GUCY1A1: variants seen among roughly 807,000 people sequenced by gnomAD.
The protein encoded by GUCY1A1 is guanylate cyclase soluble subunit alpha-1.
A neutral mutation model predicts 64.5 loss-of-function variants in GUCY1A1; 48 were observed. The ratio of observed to expected loss-of-function variants is 0.74; its 90% CI spans 0.59 to 0.95. GUCY1A1 has a LOEUF of 0.95. Ranked by LOEUF, GUCY1A1 falls within the 40% of genes least tolerant of loss-of-function variation. The pLI is 0.00. For missense variants in GUCY1A1, 804 were observed against 825.3 expected (o/e 0.97, Z 0.32); for synonymous variants, 308 against 303.4 (o/e 1.02, Z -0.16).
intron 2 of GUCY1A1, among the ~76,000 whole-genome samples, chr4:155,684,490 T>A (rs1728712670): frequency 1.3e-5 from 2 of 152,232 alleles, no homozygotes; most frequent in South Asian, 4.2e-4. Context: ...AGAAAGAGCT[T>A]TACTGCTGGT....
chr4:155,694,487 T>C (rs1252817266), intron 2 of GUCY1A1, among the ~76,000 whole-genome samples: 4 of 152,204 alleles, frequency 2.6e-5, no homozygotes, highest in Admixed American at 2.0e-4. Context: ...AGGAAATAAC[T>C]TTGCTCCTAT....
rs1193201938 is a variant in GUCY1A1 at position 155,713,479 on chromosome 4, T to G, written c.1468T>G (p.Phe490Val). 6.2e-7 allele frequency: 1 copy of G among 1,614,008 alleles called. No individual in the cohort carries two copies. The highest frequency in any genetic ancestry group is 8.5e-7 in the Non-Finnish European group (1 of 1,180,022). ...VTMLFSDIVGFTAICSQCSPL... is the reference protein window; with the variant it reads ...VTMLFSDIVGVTAICSQCSPL... Reference sequence around the variant, plus strand: ...CATGCTCTTCTCAGACATCGTTGGGTTCACTGCCATCTGCTCCCAGTGCTC... The same window carrying G: ...CATGCTCTTCTCAGACATCGTTGGGGTCACTGCCATCTGCTCCCAGTGCTC... Residue 490 changes from phenylalanine (F) to valine (V), a missense_variant, in exon 7 of 10, where the codon TTC becomes GTC. Phe to Val is a conservative substitution (Grantham distance 50). Transcript: ENST00000506455.
chr4:155,676,025 C>A (rs1560910340), intron 2 of GUCY1A1, among the ~76,000 whole-genome samples: 1 of 151,430 alleles, frequency 6.6e-6, no homozygotes, highest in Non-Finnish European at 1.5e-5. Context: ...CTCCTGGAGT[C>A]AATAAGATGC....
At chr4:155,671,276 C>T (rs78946054) in intron 2 of GUCY1A1, among the ~76,000 whole-genome samples, 14,310 of 152,142 alleles carry the variant, frequency 0.094, 886 homozygotes, top group South Asian at 0.22. Flanking sequence ...TTTAACTCTG[C>T]TCCAACCCTT....
At chr4:155,669,726 T>A (rs554142469) in intron 2 of GUCY1A1, among the ~76,000 whole-genome samples, 1 of 152,136 alleles carries the variant, frequency 6.6e-6, no homozygotes, top group East Asian at 1.9e-4. Flanking sequence ...ATTTTTCAAA[T>A]GAAATTGAAA....
intron 4 of GUCY1A1, among the ~76,000 whole-genome samples, chr4:155,706,043 G>A (rs1195923248): frequency 1.3e-5 from 2 of 152,166 alleles, no homozygotes; most frequent in Non-Finnish European, 2.9e-5. Flanking sequence ...GTTCTGAATC[G>A]TTCCTACAGC....
intron 2 of GUCY1A1, among the ~76,000 whole-genome samples, chr4:155,692,578 C>A (rs1157509637): frequency 6.6e-6 from 1 of 152,182 alleles, no homozygotes; most frequent in Non-Finnish European, 1.5e-5. Context: ...TTTCACATGA[C>A]TGTTGGTCAC....
intron 7 of GUCY1A1, among the ~76,000 whole-genome samples, chr4:155,713,853 G>A (rs1005294755): frequency 1.3e-5 from 2 of 152,142 alleles, no homozygotes; most frequent in East Asian, 1.9e-4. Flanking sequence ...GGAGGATAGG[G>A]TGCTCAAAGA....
Position 155,713,337 on chromosome 4 carries a change from C to T in GUCY1A1, c.1326C>T (p.Ala442=). 6.2e-7 allele frequency: 1 copy of T among 1,614,100 alleles called. No homozygotes were observed. The highest frequency in any genetic ancestry group is 8.5e-7 in the Non-Finnish European group (1 of 1,180,022). Residue 442 remains alanine (A), a synonymous_variant, in exon 7 of 10, where the codon GCC becomes GCT. Transcript: ENST00000506455. The part of the protein sequence containing the change: ...LKATLEQAHQ[A]LEEEKKKTVD... Reference sequence around the variant, plus strand: ...CTACCCTTGAGCAAGCCCACCAAGCCCTGGAGGAGGAGAAGAAAAAGACAG... The same window carrying T: ...CTACCCTTGAGCAAGCCCACCAAGCTCTGGAGGAGGAGAAGAAAAAGACAG...
chr4:155,722,754 G>A (rs976669086), intron 9 of GUCY1A1, among the ~76,000 whole-genome samples: 3 of 152,032 alleles, frequency 2.0e-5, no homozygotes, highest in Non-Finnish European at 4.4e-5. Flanking sequence ...GTTTTATTTC[G>A]AAGGATACAA....
intron 2 of GUCY1A1, among the ~76,000 whole-genome samples, chr4:155,694,549 T>C (rs1475557428): frequency 2.0e-5 from 3 of 152,230 alleles, no homozygotes; most frequent in African/African-American, 2.4e-5. Context: ...CTCGGTTTTC[T>C]ACAACCAGGG....
intron 9 of GUCY1A1, among the ~76,000 whole-genome samples, chr4:155,723,543 A>G (rs1734247379): frequency 6.6e-6 from 1 of 152,160 alleles, no homozygotes; most frequent in African/African-American, 2.4e-5. Context: ...TCAGATCTAT[A>G]CAGTAGCTAA....
chr4:155,678,677 T>C (rs1735290724), intron 2 of GUCY1A1, among the ~76,000 whole-genome samples: 1 of 152,240 alleles, frequency 6.6e-6, no homozygotes, highest in African/African-American at 2.4e-5. Context: ...TATGGTAACC[T>C]TTCTGCCCAC....
intron 2 of GUCY1A1, among the ~76,000 whole-genome samples, chr4:155,685,372 C>T (rs1405320738): frequency 1.3e-5 from 2 of 152,202 alleles, no homozygotes; most frequent in African/African-American, 4.8e-5. Flanking sequence ...AGTTTGAACA[C>T]AGTAGCCATA....
intron 8 of GUCY1A1, among the ~76,000 whole-genome samples, chr4:155,719,291 C>T (rs10030211): frequency 0.024 from 3,703 of 152,224 alleles, 144 homozygotes; most frequent in African/African-American, 0.084. Context: ...AAATATCTGA[C>T]GTCCCTAAAA....
chr4:155,708,926 C>CATTT (rs1433047206), intron 5 of GUCY1A1, among the ~76,000 whole-genome samples: 2 of 151,972 alleles, frequency 1.3e-5, no homozygotes, highest in Non-Finnish European at 2.9e-5. Flanking sequence ...ATGTGGTACT[C>CATTT]AGAGTGTAAA....
intron 9 of GUCY1A1, among the ~76,000 whole-genome samples, chr4:155,728,269 C>G (rs1735018347): frequency 6.6e-6 from 1 of 151,804 alleles, no homozygotes; most frequent in South Asian, 2.1e-4. Context: ...CCAGCATTTG[C>G]CAATTTCTGT....
chr4:155,708,407 T>C, intron 5 of GUCY1A1, 113 bp downstream of exon 5: 2 of 623,298 alleles, frequency 3.2e-6, no homozygotes, highest in East Asian at 2.7e-5. Context: ...AAGTGTTCAA[T>C]ATTATGTATT....
chr4:155,683,092 T>C (rs1736036358), intron 2 of GUCY1A1, among the ~76,000 whole-genome samples: 2 of 152,168 alleles, frequency 1.3e-5, no homozygotes, highest in African/African-American at 4.8e-5. Context: ...ATTTAGCTGA[T>C]TTCACAGCAA....
Sources: allele counts gnomAD v4.1 joint callset (sites outside exome capture counted in the v4.1 genomes callset), GRCh38; gene constraint gnomAD v4.1.1; transcripts MANE v1.5; gene names NCBI Gene and HGNC (gene_info 2026-07-23, HGNC 2026-07-21).